Variants in DNM2 observed in about 807,000 individuals in gnomAD.
DNM2 encodes dynamin-2.
In DNM2, 15 loss-of-function variants were observed where a neutral mutation model predicts 99.0. The observed-to-expected ratio is 0.15, with a 90% CI of 0.10 to 0.23. The LOEUF is 0.23. Among genes scored for constraint, DNM2 ranks in the 10% least tolerant of loss-of-function variants. The pLI is 1.00. For synonymous variants in DNM2, 525 were observed against 481.2 expected (o/e 1.09, Z -1.19); for missense variants, 742 against 1,189.4 (o/e 0.62, Z 5.53).
chr19:10,815,238 C>T (rs2072694996), intron 15 of DNM2, among the ~76,000 whole-genome samples: 1 of 152,188 alleles, frequency 6.6e-6, no homozygotes, highest in South Asian at 2.1e-4. Context: ...CACCATGTAG[C>T]CTCTAGCAGC....
chr19:10,822,997 C>T (rs1434313155), intron 16 of DNM2, among the ~76,000 whole-genome samples: 4 of 151,896 alleles, frequency 2.6e-5, no homozygotes, highest in Admixed American at 6.6e-5. Flanking sequence ...CCCAGCTACT[C>T]GGGAGGCTGA....
intron 8 of DNM2, among the ~76,000 whole-genome samples, chr19:10,794,520 T>A (rs1209419067): frequency 6.6e-6 from 1 of 152,156 alleles, no homozygotes; most frequent in Non-Finnish European, 1.5e-5. Flanking sequence ...GGGGGCCTGA[T>A]CACTTGAGCC....
At chr19:10,802,389 C>T (rs535667612) in intron 12 of DNM2, 31 bp downstream of exon 12, 20 of 1,609,630 alleles carry the variant, frequency 1.2e-5, no homozygotes, top group Admixed American at 8.3e-5. Flanking sequence ...GCTGGTCGGG[C>T]GGCACCAATC....
intron 1 of DNM2, chr19:10,755,412 C>G (rs1425540672): frequency 6.6e-6 from 1 of 151,472 alleles, no homozygotes; most frequent in Non-Finnish European, 1.5e-5. Context: ...ACCGCCGCTG[C>G]TGGTGATTCA....
chr19:10,730,337 G>A (rs1000674044), intron 1 of DNM2, among the ~76,000 whole-genome samples: 3 of 152,178 alleles, frequency 2.0e-5, no homozygotes, highest in Admixed American at 6.6e-5. Flanking sequence ...ATTAGCAGGC[G>A]TGGTGGTGCA....
chr19:10,803,621 C>T (rs776487732), intron 12 of DNM2: 150 of 986,238 alleles, frequency 1.5e-4, no homozygotes, highest in Non-Finnish European at 1.8e-4. Flanking sequence ...GATTCCTGGG[C>T]CTTCCCACTT....
intron 8 of DNM2, among the ~76,000 whole-genome samples, chr19:10,794,343 CCGTG>C (rs945800598): frequency 9.6e-6 from 1 of 103,908 alleles, no homozygotes; most frequent in Admixed American, 9.1e-5. Context: ...ACTTCTTTTT[CCGTG>C]TGTGTGTGTG....
chr19:10,770,682 A>G (rs748321834), intron 2 of DNM2, among the ~76,000 whole-genome samples: 1 of 152,226 alleles, frequency 6.6e-6, no homozygotes, highest in Non-Finnish European at 1.5e-5. Flanking sequence ...AGCAAGTCAC[A>G]TCTTATACGG....
At chr19:10,803,343 G>C (rs2072221384) in intron 12 of DNM2, among the ~76,000 whole-genome samples, 1 of 152,178 alleles carries the variant, frequency 6.6e-6, no homozygotes, top group African/African-American at 2.4e-5. Context: ...TAGGTGAGGA[G>C]AAGGGAGGAA....
intron 7 of DNM2, 151 bp from the exon 8 acceptor site, chr19:10,793,569 G>A: frequency 1.4e-6 from 2 of 1,412,086 alleles, no homozygotes; most frequent in East Asian, 2.3e-5. Flanking sequence ...GGGAGCTCTT[G>A]AATTTGGTTT....
rs1364570166 is a variant in DNM2, at chr19:10,817,578, A to G, written c.1672-2402A>G. The G allele has an allele frequency of 2.7e-6, 1 of 374,470 alleles. No individual in the cohort carries two copies. Among genetic ancestry groups the G allele is most frequent in the African/African-American group, 2.2e-5 (1 of 44,664 alleles). 23.2% of individuals were successfully genotyped at this position (374,470 alleles called of 1,614,324 possible). On this transcript the variant is annotated intron_variant, in intron 15 of 20. Coordinates refer to ENST00000389253, the MANE Select transcript of DNM2 (RefSeq NM_001005361.3). The surrounding 1 kb of genome is among the most constrained non-coding windows in gnomAD (Gnocchi z 4.6). ...AGGCCGTGCCTCAGCACCTCTGAGC[A>G]GCCAAGGAAACCACCACTCTTCCCG...
intron 1 of DNM2, chr19:10,755,619 C>A (rs2070354767): frequency 6.6e-6 from 1 of 151,432 alleles, no homozygotes; most frequent in East Asian, 1.9e-4. Context: ...CACCACCACA[C>A]CCGGCCAGGG....
rs113852710 is a variant in DNM2, at chr19:10,780,636, C to T, written c.689-2324C>T. ...ATGACTCACAACTCCTCCTCCTTTA[C>T]GGGAACCCAGGCTAGGCGTGGTGGC... On this transcript the variant is annotated intron_variant, in intron 5 of 20. Coordinates refer to ENST00000389253, the MANE Select transcript of DNM2 (RefSeq NM_001005361.3). Among the ~76,000 whole-genome samples, 451 of 152,268 alleles carry T rather than the reference C, an allele frequency of 3.0e-3. 1 individual carries two copies. Among genetic ancestry groups the T allele is most frequent in the African/African-American group, 0.01 (430 of 41,544 alleles).
At chr19:10,745,072 C>A (rs894202936) in intron 1 of DNM2, among the ~76,000 whole-genome samples, 13 of 152,262 alleles carry the variant, frequency 8.5e-5, no homozygotes, top group African/African-American at 3.1e-4. Flanking sequence ...TATAAAACAG[C>A]AAGTTTTTCA....
At chr19:10,750,957 A>G (rs942368084) in intron 1 of DNM2, among the ~76,000 whole-genome samples, 7 of 151,332 alleles carry the variant, frequency 4.6e-5, no homozygotes, top group African/African-American at 1.7e-4. Context: ...TGCCAGCCCT[A>G]CTCTATGCTT....
intron 1 of DNM2, among the ~76,000 whole-genome samples, chr19:10,749,008 A>T (rs557414580): frequency 2.0e-5 from 3 of 152,304 alleles, no homozygotes; most frequent in African/African-American, 7.2e-5. Context: ...CCTCCCAGCC[A>T]CATTCAGGCT....
chr19:10,804,916 A>G (rs538668753), intron 12 of DNM2, among the ~76,000 whole-genome samples: 3 of 152,340 alleles, frequency 2.0e-5, no homozygotes, highest in East Asian at 3.9e-4. Context: ...TTGCTTTTCC[A>G]TATTGTTCTG....
chr19:10,775,953 A>T lies in DNM2; in HGVS notation c.589+47A>T. ...TCCCCTCTTCCAGGTGCCTCTGAGC[A>T]TGGGATGTGCCCAGCATCCTTGGTT... On this transcript the variant is annotated intron_variant, in intron 4 of 20. Transcript: ENST00000389253. The surrounding 1 kb of genome is among the most constrained non-coding windows in gnomAD (Gnocchi z 4.3). The T allele has an allele frequency of 1.3e-6, 2 of 1,597,204 alleles. No individual in the cohort carries two copies. The highest frequency in any genetic ancestry group is 1.7e-6 in the Non-Finnish European group (2 of 1,176,874).
rs143685982 is a variant in DNM2 at position 10,775,041 on chromosome 19, G to C, written c.386-662G>C. Among the ~76,000 whole-genome samples, 1 of 152,072 alleles carries C rather than the reference G, an allele frequency of 6.6e-6. No individual in the cohort carries two copies. The highest frequency in any genetic ancestry group is 6.6e-5 in the Admixed American group (1 of 15,252). The stretch of plus-strand genomic sequence containing the variant: ...CCATCATGGCCTCCCAAAGTGCTGG[G>C]ATGACAGGCATGAGTCACCGCGCCT... On this transcript the variant is annotated intron_variant, in intron 3 of 20. Coordinates refer to ENST00000389253, the MANE Select transcript of DNM2 (RefSeq NM_001005361.3). This position sits in a 1 kb window ranked among gnomAD's most constrained non-coding sequence, Gnocchi z 4.3.
Sources: allele counts gnomAD v4.1 joint callset (sites outside exome capture counted in the v4.1 genomes callset), GRCh38; gene constraint gnomAD v4.1.1; non-coding constraint Gnocchi (gnomAD v3.1); transcripts MANE v1.5; gene names NCBI Gene and HGNC (gene_info 2026-07-23, HGNC 2026-07-21).